Variants in CTIF observed in about 807,000 individuals in gnomAD.
The protein encoded by CTIF is cap binding complex dependent translation initiation factor.
A neutral mutation model predicts 66.0 loss-of-function variants in CTIF; 21 were observed. That is an observed-to-expected ratio of 0.32 (90% CI 0.23 to 0.46). CTIF has a LOEUF of 0.46. Among genes scored for constraint, CTIF ranks in the 20% least tolerant of loss-of-function variants. The pLI, the probability that CTIF is intolerant of heterozygous loss-of-function variation, is 1.00. For synonymous variants in CTIF, 345 were observed against 326.4 expected, an observed-to-expected ratio of 1.06 and a Z score of -0.62; for missense variants, 739 against 812.7, an observed-to-expected ratio of 0.91 and a Z score of 1.10.
chr18:48,603,526 G>A (rs1208523431), intron 1 of CTIF, among the ~76,000 whole-genome samples: 41 of 149,106 alleles, frequency 2.7e-4, no homozygotes, highest in African/African-American at 9.9e-4. Flanking sequence ...TGGATGGATG[G>A]ATAGATGGAT....
At chr18:48,570,589 G>C (rs1204507558) in intron 1 of CTIF, among the ~76,000 whole-genome samples, 1 of 152,188 alleles carries the variant, frequency 6.6e-6, no homozygotes, top group East Asian at 1.9e-4. Context: ...CCTGGGGGGT[G>C]GGGGGAGCAG....
At chr18:48,551,587 A>G (rs1042443076) in intron 1 of CTIF, among the ~76,000 whole-genome samples, 1 of 151,924 alleles carries the variant, frequency 6.6e-6, no homozygotes, top group African/African-American at 2.4e-5. Context: ...TTCAGCTCTG[A>G]GTGTAGTTGT....
intron 5 of CTIF, among the ~76,000 whole-genome samples, chr18:48,666,779 C>T (rs2091443608): frequency 6.6e-6 from 1 of 152,206 alleles, no homozygotes; most frequent in African/African-American, 2.4e-5. Context: ...TCACTGCCTG[C>T]TCAGCCCACT....
intron 1 of CTIF, among the ~76,000 whole-genome samples, chr18:48,605,247 G>A (rs1393286431): frequency 6.6e-6 from 1 of 152,174 alleles, no homozygotes; most frequent in East Asian, 1.9e-4. Context: ...ATTCCCATGA[G>A]CAGTGTTTGA....
chr18:48,623,142 G>A (rs2090527664), intron 2 of CTIF, among the ~76,000 whole-genome samples: 1 of 152,256 alleles, frequency 6.6e-6, no homozygotes, highest in Non-Finnish European at 1.5e-5. Context: ...TGTGTGGCGG[G>A]CAAGGCAAGG....
At chr18:48,839,658 C>G (rs1472774155) in intron 10 of CTIF, among the ~76,000 whole-genome samples, 1 of 152,238 alleles carries the variant, frequency 6.6e-6, no homozygotes, top group Admixed American at 6.5e-5. Context: ...TCTCACTTTA[C>G]AGCCTTAGTT....
chr18:48,684,579 A>G (rs528451866), intron 6 of CTIF, among the ~76,000 whole-genome samples: 3 of 152,308 alleles, frequency 2.0e-5, no homozygotes, highest in Admixed American at 1.3e-4. Flanking sequence ...TGTCCTCTCA[A>G]TATAGGTATA....
chr18:48,573,642 G>A lies in CTIF; in HGVS notation c.-29+34330G>A, dbSNP rs191592780. Among the ~76,000 whole-genome samples, 16 of 152,318 alleles carry A rather than the reference G, an allele frequency of 1.1e-4. No homozygotes were observed. In the East Asian group the frequency reaches 2.7e-3, roughly 26 times the overall value. ...ATTAGATGATGGGGAGTTAATGAAG[G>A]CAGGTTTCTGTGACAAAAGCTCCAG... On this transcript the variant is annotated intron_variant, in intron 1 of 11. Transcript: ENST00000256413.
intron 3 of CTIF, among the ~76,000 whole-genome samples, chr18:48,652,403 G>C (rs1185582566): frequency 1.3e-5 from 2 of 152,116 alleles, no homozygotes; most frequent in Admixed American, 1.3e-4. Flanking sequence ...ATAAATTCCT[G>C]GACACATACA....
At chr18:48,573,687 C>T (rs1007936446) in intron 1 of CTIF, among the ~76,000 whole-genome samples, 5 of 152,202 alleles carry the variant, frequency 3.3e-5, no homozygotes, top group South Asian at 4.1e-4. Context: ...GTGACAAAAG[C>T]TCCAGGTTGA....
chr18:48,787,622 G>T (rs1024979794), intron 9 of CTIF, among the ~76,000 whole-genome samples: 2 of 152,166 alleles, frequency 1.3e-5, no homozygotes, highest in African/African-American at 2.4e-5. Flanking sequence ...ATCCTCTCAT[G>T]GTTGAGTCTG....
At chr18:48,566,996 T>A (rs1439920132) in intron 1 of CTIF, 1 of 152,174 alleles carries the variant, frequency 6.6e-6, no homozygotes, top group Admixed American at 6.5e-5. Context: ...AAGCTAATAG[T>A]CAAAGGGTTA....
intron 1 of CTIF, among the ~76,000 whole-genome samples, chr18:48,544,787 C>A (rs925905113): frequency 1.3e-5 from 2 of 152,176 alleles, no homozygotes; most frequent in Non-Finnish European, 2.9e-5. Context: ...ATCCTGCAGT[C>A]GGTGCGAGCT....
At chr18:48,573,329 C>T (rs1443814272) in intron 1 of CTIF, among the ~76,000 whole-genome samples, 1 of 152,102 alleles carries the variant, frequency 6.6e-6, no homozygotes, top group African/African-American at 2.4e-5. Flanking sequence ...TTCATGACCT[C>T]CCCCTCCCCA....
chr18:48,806,132 G>T (rs1353121138), intron 9 of CTIF, among the ~76,000 whole-genome samples: 2 of 152,234 alleles, frequency 1.3e-5, no homozygotes, highest in African/African-American at 4.8e-5. Context: ...CCTAAAGAGG[G>T]AATGTGGGAG....
intron 4 of CTIF, 41 bp from the exon 5 acceptor site, chr18:48,664,406 T>C (rs1568116071): frequency 6.5e-7 from 1 of 1,540,924 alleles, no homozygotes; most frequent in Admixed American, 1.7e-5. Flanking sequence ...ACTGGGCTGT[T>C]GCCCTCTTGC....
intron 3 of CTIF, among the ~76,000 whole-genome samples, chr18:48,648,045 A>G (rs1195389443): frequency 6.6e-6 from 1 of 152,190 alleles, no homozygotes; most frequent in East Asian, 1.9e-4. Flanking sequence ...CCATTATTTC[A>G]GCAGGTTTTG....
At chr18:48,676,330 G>A (rs555453494) in intron 6 of CTIF, among the ~76,000 whole-genome samples, 1 of 152,326 alleles carries the variant, frequency 6.6e-6, no homozygotes, top group African/African-American at 2.4e-5. Context: ...CTTTCTATCA[G>A]GACGTATTTT....
chr18:48,552,930 C>T (rs1043055590), intron 1 of CTIF, among the ~76,000 whole-genome samples: 3 of 152,150 alleles, frequency 2.0e-5, no homozygotes, highest in African/African-American at 7.2e-5. Flanking sequence ...TCCTCGGTGA[C>T]CTCAGGGCTT....
Sources: gnomAD v4.1 joint callset for allele counts (sites outside exome capture counted in the v4.1 genomes callset) on GRCh38, gnomAD v4.1.1 for gene constraint, MANE v1.5 for transcripts, NCBI Gene and HGNC (gene_info 2026-07-23, HGNC 2026-07-21) for gene names.